The following DSCAML1 variants were observed in gnomAD, a reference collection of about 807,000 sequenced individuals.
The protein encoded by DSCAML1 is cell adhesion molecule DSCAML1.
A neutral mutation model predicts 200.5 loss-of-function variants in DSCAML1; 38 were observed. The ratio of observed to expected loss-of-function variants is 0.19; its 90% CI spans 0.15 to 0.25. The LOEUF is 0.25. Ranked by LOEUF, DSCAML1 falls within the 10% of genes least tolerant of loss-of-function variation. DSCAML1 has a pLI of 1.00. For synonymous variants in DSCAML1, 1,215 were observed against 1,165.0 expected (o/e 1.04, Z -0.87); for missense variants, 2,223 against 2,858.8 (o/e 0.78, Z 5.07).
chr11:117,536,168 G>C (rs899496116), intron 3 of DSCAML1, among the ~76,000 whole-genome samples: 4 of 152,210 alleles, frequency 2.6e-5, no homozygotes, highest in Non-Finnish European at 5.9e-5. Context: ...CCCTTGGGGG[G>C]GCTTGTGCAA....
At chr11:117,761,154 C>A (rs950458029) in intron 3 of DSCAML1, among the ~76,000 whole-genome samples, 5 of 152,138 alleles carry the variant, frequency 3.3e-5, no homozygotes, top group African/African-American at 1.2e-4. Context: ...GAACACCCAG[C>A]CTCCAGAGGA....
intron 27 of DSCAML1, among the ~76,000 whole-genome samples, 167 bp downstream of exon 27, chr11:117,435,477 A>G (rs2047895231): frequency 6.6e-6 from 1 of 152,228 alleles, no homozygotes; most frequent in South Asian, 2.1e-4. Context: ...GGTGAACGAA[A>G]CCTTCTGAAC....
intron 3 of DSCAML1, among the ~76,000 whole-genome samples, chr11:117,672,862 T>C (rs1403130956): frequency 6.6e-6 from 1 of 152,192 alleles, no homozygotes; most frequent in Non-Finnish European, 1.5e-5. Context: ...AGGAGACAAA[T>C]GCCAATTGAT....
intron 3 of DSCAML1, among the ~76,000 whole-genome samples, chr11:117,607,110 G>A (rs1242023468): frequency 6.6e-6 from 1 of 152,186 alleles, no homozygotes; most frequent in Non-Finnish European, 1.5e-5. Context: ...GCTGGGGGAG[G>A]GCAGCAGGGC....
intron 1 of DSCAML1, among the ~76,000 whole-genome samples, chr11:117,789,703 C>T (rs1409605599): frequency 6.6e-6 from 1 of 152,184 alleles, no homozygotes; most frequent in East Asian, 1.9e-4. Flanking sequence ...CTGCCTATCA[C>T]AGTCGCAGGG....
rs2049343991 is a variant in DSCAML1 at position 117,498,938 on chromosome 11, C to T, written c.2359+4907G>A. ...TCTAGAACCCAATCACTGGTGCCTT[C>T]GCAGAGTGGAAGAGAGTCTGGGAGG... On this transcript the variant is annotated intron_variant, in intron 11 of 32. Transcript: ENST00000651296. The surrounding 1 kb of genome is among the most constrained non-coding windows in gnomAD (Gnocchi z 4.0). 1.3e-5 allele frequency among the ~76,000 whole-genome samples: 2 copies of T among 152,210 alleles called. No homozygotes were observed. The highest frequency in any genetic ancestry group is 2.4e-5 in the African/African-American group (1 of 41,446).
chr11:117,801,033 A>C (rs1477316300), upstream of DSCAML1: 1 of 152,208 alleles, frequency 6.6e-6, no homozygotes, highest in Non-Finnish European at 1.5e-5. Flanking sequence ...CTGTGTGAAA[A>C]ACTTAACTTT....
chr11:117,496,677 AGTG>A (rs1477264886), intron 11 of DSCAML1, among the ~76,000 whole-genome samples: 1 of 152,206 alleles, frequency 6.6e-6, no homozygotes, highest in Non-Finnish European at 1.5e-5. Flanking sequence ...ATGAGAGTGA[AGTG>A]GTGGTGATGT....
At position 117,469,510 on chromosome 11, in the gene DSCAML1, AG is replaced by A. The variant is rs756600275; in HGVS notation, c.3024+399del. 2.0e-4 allele frequency among the ~76,000 whole-genome samples: 31 copies of A among 152,220 alleles called. No individual in the cohort carries two copies. In the East Asian group the frequency reaches 5.8e-3, roughly 28 times the overall value. Reference sequence around the variant, plus strand: ...CTACAGTTTCTCCACCCTCAGAGGTAGGGAGGGCAGTTGTTTTCATGCTGAT... The same window carrying A: ...CTACAGTTTCTCCACCCTCAGAGGTAGGAGGGCAGTTGTTTTCATGCTGAT... On this transcript the variant is annotated intron_variant, in intron 16 of 32. Coordinates refer to ENST00000651296, the MANE Select transcript of DSCAML1 (RefSeq NM_020693.4). The surrounding 1 kb of genome is among the most constrained non-coding windows in gnomAD (Gnocchi z 4.1).
intron 11 of DSCAML1, among the ~76,000 whole-genome samples, chr11:117,495,950 A>G (rs2049281865): frequency 6.6e-6 from 1 of 152,180 alleles, no homozygotes; most frequent in Non-Finnish European, 1.5e-5. Flanking sequence ...TCTAGTCTCC[A>G]GCAGCCTCCG....
Position 117,465,094 on chromosome 11 carries a change from C to T in DSCAML1, c.3113G>A (p.Ser1038Asn). The change falls in exon 17 of 33, where the codon AGC becomes AAC. Residue 1038 changes from serine (S) to asparagine (N), a missense_variant. Physicochemically the swap from Ser to Asn is conservative, Grantham distance 46 (BLOSUM62 1). Around this residue, in one of 7 missense-constraint regions of DSCAML1, gnomAD observed 438 missense variants for 629.7 expected, o/e 0.70. Transcript: ENST00000651296. ...ENSPGSNGQY[S>N]IVEMKATGDS... ...CCCCGTGGCCTTCATCTCCACGATG[C>T]TGTACTGCCCGTTGCTGCCGGGGCT... 1 of 1,614,134 alleles carries T rather than the reference C, an allele frequency of 6.2e-7. No homozygotes were observed. Among genetic ancestry groups the T allele is most frequent in the Non-Finnish European group, 8.5e-7 (1 of 1,180,006 alleles).
intron 11 of DSCAML1, among the ~76,000 whole-genome samples, chr11:117,494,955 A>C (rs1016897339): frequency 1.4e-4 from 21 of 152,040 alleles, no homozygotes; most frequent in Non-Finnish European, 2.2e-4. Flanking sequence ...TTGATGTCAG[A>C]CTCCCAGCCT....
At chr11:117,634,147 G>A (rs1287068340) in intron 3 of DSCAML1, among the ~76,000 whole-genome samples, 10 of 152,196 alleles carry the variant, frequency 6.6e-5, no homozygotes, top group Admixed American at 4.6e-4. Flanking sequence ...GGACTGTCAC[G>A]GAGCATCAAG....
In DSCAML1 at chr11:117,614,851, T is replaced by C. The variant is rs116023439; in HGVS notation, c.512-82329A>G. Among the ~76,000 whole-genome samples, 1,228 of 152,326 alleles carry C rather than the reference T, an allele frequency of 8.1e-3. 16 individuals are homozygous for C. The highest frequency in any genetic ancestry group is 0.027 in the African/African-American group (1,138 of 41,580). ...GAGGGAGGAGAAGTAATGGTCACTA[T>C]GCAAGATCCAGCATCTGCCCCCTCA... On this transcript the variant is annotated intron_variant, in intron 3 of 32. Coordinates refer to ENST00000651296, the MANE Select transcript of DSCAML1 (RefSeq NM_020693.4).
chr11:117,461,397 C>CTGGAAGCTCTA (rs2048480300), intron 18 of DSCAML1, 53 bp downstream of exon 18: 2 of 1,611,636 alleles, frequency 1.2e-6, no homozygotes, highest in East Asian at 4.5e-5. Flanking sequence ...AAGCAGACTC[C>CTGGAAGCTCTA]ACTGACCTGC....
At chr11:117,458,544 G>T (rs1007590373) in intron 19 of DSCAML1, among the ~76,000 whole-genome samples, 1 of 151,790 alleles carries the variant, frequency 6.6e-6, no homozygotes. Context: ...TAGGGGGTGC[G>T]GGGGGAGGTG....
rs142536388 is a variant in DSCAML1 at position 117,635,171 on chromosome 11, C to A, written c.512-102649G>T. ...CCCAATATTTTCTTCTTAAGCAATT[C>A]TCTTGCTCTTTGATGTTCTGCAGCG... On this transcript the variant is annotated intron_variant, in intron 3 of 32. Coordinates refer to ENST00000651296, the MANE Select transcript of DSCAML1 (RefSeq NM_020693.4). 1.5e-3 allele frequency among the ~76,000 whole-genome samples: 228 copies of A among 152,322 alleles called. 6 individuals are homozygous for A. In the East Asian group the frequency reaches 0.04, roughly 26 times the overall value.
At chr11:117,652,310 T>C (rs1329112997) in intron 3 of DSCAML1, among the ~76,000 whole-genome samples, 1 of 152,214 alleles carries the variant, frequency 6.6e-6, no homozygotes, top group Non-Finnish European at 1.5e-5. Context: ...GGGCTACGCA[T>C]GTGATGCTGC....
At chr11:117,797,238 TCGGCTCCC>T (rs1591521313), upstream of DSCAML1, 1 of 1,459,994 alleles carries the variant, frequency 6.8e-7, no homozygotes, top group Non-Finnish European at 9.0e-7. Flanking sequence ...TCCTCCCTCC[TCGGCTCCC>T]CGGCTCCTGT....
Sources: allele counts gnomAD v4.1 joint callset (sites outside exome capture counted in the v4.1 genomes callset), GRCh38; gene constraint gnomAD v4.1.1; regional missense constraint gnomAD v4.1.1; non-coding constraint Gnocchi (gnomAD v3.1); transcripts MANE v1.5; gene names NCBI Gene and HGNC (gene_info 2026-07-23, HGNC 2026-07-21).